DIS3L2: variants seen among roughly 807,000 people sequenced by gnomAD.
DIS3L2 encodes the protein DIS3-like exonuclease 2.
A neutral mutation model predicts 97.5 loss-of-function variants in DIS3L2; 34 were observed. The ratio of observed to expected loss-of-function variants is 0.35; its 90% CI spans 0.27 to 0.46. DIS3L2 has a LOEUF of 0.46. Among genes scored for constraint, DIS3L2 ranks in the 20% least tolerant of loss-of-function variants. The pLI is 1.00. For synonymous variants in DIS3L2, 435 were observed against 445.2 expected (o/e 0.98, Z 0.29); for missense variants, 1,038 against 1,146.0 (o/e 0.91, Z 1.36).
intron 13 of DIS3L2, among the ~76,000 whole-genome samples, chr2:232,265,629 G>A (rs982609797): frequency 3.9e-5 from 6 of 152,266 alleles, no homozygotes; most frequent in Admixed American, 3.3e-4. Context: ...CAGGGAAACC[G>A]ATCAAATACG....
intron 1 of DIS3L2, among the ~76,000 whole-genome samples, chr2:231,967,111 A>G (rs1462107457): frequency 1.3e-5 from 2 of 152,160 alleles, no homozygotes; most frequent in Non-Finnish European, 2.9e-5. Flanking sequence ...AAGGGACTTC[A>G]TGTGGTGCAA....
chr2:231,984,410 G>C, intron 1 of DIS3L2, among the ~76,000 whole-genome samples: 1 of 135,900 alleles, frequency 7.4e-6, no homozygotes. Context: ...TTTTTGAGAC[G>C]GAGTCTGGCT....
chr2:232,262,981 G>C (rs1176850913), intron 12 of DIS3L2, among the ~76,000 whole-genome samples: 1 of 152,192 alleles, frequency 6.6e-6, no homozygotes, highest in Non-Finnish European at 1.5e-5. Context: ...TAGGTGTCCA[G>C]TGCCCATTGG....
chr2:231,973,050 A>G (rs999179901), intron 1 of DIS3L2, among the ~76,000 whole-genome samples: 2 of 152,188 alleles, frequency 1.3e-5, no homozygotes, highest in Non-Finnish European at 2.9e-5. Flanking sequence ...TGAATTGGAA[A>G]ATGTTCCTTT....
intron 13 of DIS3L2, among the ~76,000 whole-genome samples, chr2:232,282,220 C>T (rs919531177): frequency 8.0e-5 from 12 of 149,388 alleles, no homozygotes; most frequent in South Asian, 2.1e-4. Flanking sequence ...TAGATGAGGG[C>T]GTATTCTGTA....
intron 5 of DIS3L2, among the ~76,000 whole-genome samples, chr2:232,065,947 T>G (rs1695843331): frequency 6.6e-6 from 1 of 151,932 alleles, no homozygotes. Context: ...CCCCTTAATT[T>G]TATTTTCCAG....
chr2:232,082,107 A>G lies in DIS3L2; in HGVS notation c.367-5380A>G, dbSNP rs562199908. Among the ~76,000 whole-genome samples, 7 of 152,228 alleles carry G rather than the reference A, an allele frequency of 4.6e-5. No individual in the cohort carries two copies. In the South Asian group the frequency reaches 1.5e-3, roughly 32 times the overall value. ...GCCCGGCCTCACATCCTTACTTTTA[A>G]CCAGTATGCAATATGAGATGGTTAG... On this transcript the variant is annotated intron_variant, in intron 5 of 20. Transcript: ENST00000325385.
At chr2:232,028,979 A>G (rs1694733458) in intron 4 of DIS3L2, among the ~76,000 whole-genome samples, 1 of 152,176 alleles carries the variant, frequency 6.6e-6, no homozygotes, top group Admixed American at 6.6e-5. Context: ...ATGCTGAGTG[A>G]CTAAAATCTG....
intron 5 of DIS3L2, among the ~76,000 whole-genome samples, chr2:232,049,903 T>C (rs1478612579): frequency 6.6e-6 from 1 of 152,234 alleles, no homozygotes. Flanking sequence ...CATATTTCTG[T>C]AAGCGTACAC....
At chr2:231,977,667 C>T (rs1693136041) in intron 1 of DIS3L2, among the ~76,000 whole-genome samples, 1 of 152,166 alleles carries the variant, frequency 6.6e-6, no homozygotes, top group Admixed American at 6.5e-5. Flanking sequence ...CTCAAAACTA[C>T]CCACCACATG....
chr2:232,039,391 A>G lies in DIS3L2; in HGVS notation c.366+9311A>G, dbSNP rs140474691. ...AATCTGTAGTCACTAGCGTGAGCCA[A>G]TGTGGATTAATTGGATTATTCATCT... On this transcript the variant is annotated intron_variant, in intron 5 of 20. Transcript: ENST00000325385. Among the ~76,000 whole-genome samples, 3 of 152,270 alleles carry G rather than the reference A, an allele frequency of 2.0e-5. No individual in the cohort carries two copies. In the East Asian group the frequency reaches 5.8e-4, roughly 29 times the overall value.
intron 12 of DIS3L2, among the ~76,000 whole-genome samples, chr2:232,257,982 T>C (rs56178721): frequency 0.012 from 1,819 of 152,336 alleles, 17 homozygotes; most frequent in Non-Finnish European, 0.018. Context: ...TGGCCTGTTT[T>C]CTCAACTGTA....
chr2:232,100,905 A>G (rs1697184186), intron 6 of DIS3L2, among the ~76,000 whole-genome samples: 1 of 151,188 alleles, frequency 6.6e-6, no homozygotes, highest in Non-Finnish European at 1.5e-5. Flanking sequence ...TATTGTGTGT[A>G]CTTTATCTGT....
chr2:232,246,158 G>A (rs1693241376), intron 11 of DIS3L2, among the ~76,000 whole-genome samples: 2 of 152,228 alleles, frequency 1.3e-5, no homozygotes, highest in Admixed American at 1.3e-4. Flanking sequence ...GATGGAGTAA[G>A]TGGCTGACTG....
At chr2:232,111,278 C>G in intron 6 of DIS3L2, 1 of 471,376 alleles carries the variant, frequency 2.1e-6, no homozygotes, top group Non-Finnish European at 4.4e-6. Flanking sequence ...AAGAAAAATA[C>G]TTGTACCTCT....
intron 5 of DIS3L2, among the ~76,000 whole-genome samples, chr2:232,036,587 G>T (rs1404232989): frequency 6.6e-6 from 1 of 152,188 alleles, no homozygotes; most frequent in African/African-American, 2.4e-5. Context: ...TGATCCTTTG[G>T]AGAGAAGAGG....
intron 13 of DIS3L2, among the ~76,000 whole-genome samples, chr2:232,265,336 C>T (rs1253053303): frequency 5.3e-5 from 8 of 152,216 alleles, no homozygotes; most frequent in Admixed American, 5.2e-4. Flanking sequence ...ATACTCCCAC[C>T]CTGAGTGACC....
rs1419155757 is a variant in DIS3L2 at position 232,329,903 on chromosome 2, C to T, written c.1830C>T (p.His610=). The part of the protein sequence containing the change: ...AFPEQALLRR[H]PPPQTRMLSD... ...CCGAGCAGGCCCTGCTGCGCCGGCA[C>T]CCCCCGCCCCAAACAAGGATGCTCA... Residue 610 remains histidine, a synonymous_variant, in exon 15 of 21, where the codon CAC becomes CAT. Coordinates refer to ENST00000325385, the MANE Select transcript of DIS3L2 (RefSeq NM_152383.5). The T allele has an allele frequency of 2.5e-6, 4 of 1,611,486 alleles. No homozygotes were observed. The highest frequency in any genetic ancestry group is 1.3e-5 in the African/African-American group (1 of 74,806).
chr2:232,285,994 G>T (rs1287963520), intron 13 of DIS3L2, among the ~76,000 whole-genome samples: 1 of 152,194 alleles, frequency 6.6e-6, no homozygotes, highest in East Asian at 1.9e-4. Context: ...AGAAGAATCA[G>T]GCCATGATAG....
Sources: allele counts gnomAD v4.1 joint callset (sites outside exome capture counted in the v4.1 genomes callset), GRCh38; gene constraint gnomAD v4.1.1; transcripts MANE v1.5; gene names NCBI Gene and HGNC (gene_info 2026-07-23, HGNC 2026-07-21).